The following BIN1 variants were observed in gnomAD, a reference collection of about 807,000 sequenced individuals.
BIN1 encodes bridging integrator 1.
Under a neutral mutation model 82.0 loss-of-function variants are expected in BIN1, and 53 were observed. That is an observed-to-expected ratio of 0.65 (90% confidence interval 0.52 to 0.81). The LOEUF is 0.81. Among genes scored for constraint, BIN1 ranks in the 40% least tolerant of loss-of-function variants. BIN1 has a pLI of 0.00. For synonymous variants in BIN1, 302 were observed against 328.0 expected (o/e 0.92, Z 0.86); for missense variants, 642 against 784.4 (o/e 0.82, Z 2.17).
chr2:127,075,036 A>C (rs10929005), intron 2 of BIN1, among the ~76,000 whole-genome samples: 2 of 151,526 alleles, frequency 1.3e-5, no homozygotes, highest in East Asian at 3.9e-4. Context: ...CACCACCTCC[A>C]CCCCTAACCT....
chr2:127,072,961 G>T (rs1184280011), intron 2 of BIN1, among the ~76,000 whole-genome samples: 2 of 152,180 alleles, frequency 1.3e-5, no homozygotes, highest in Non-Finnish European at 2.9e-5. Flanking sequence ...GAATCTTCCA[G>T]ATCCAGCTTC....
At chr2:127,071,461 G>A (rs1685887609) in intron 2 of BIN1, among the ~76,000 whole-genome samples, 1 of 152,186 alleles carries the variant, frequency 6.6e-6, no homozygotes, top group South Asian at 2.1e-4. Context: ...AAGGCTGAGG[G>A]GACAGTGGGC....
chr2:127,068,151 A>G lies in BIN1; in HGVS notation c.612+12T>C, dbSNP rs1164067180. The G allele has an allele frequency of 6.2e-7, 1 of 1,612,156 alleles. No homozygotes were observed. Among genetic ancestry groups the G allele is most frequent in the South Asian group, 1.1e-5 (1 of 90,692 alleles). Reference sequence around the variant, plus strand: ...AGGCGCCAGCACGTGCAAGGTTAGAAGCCAGTGTCACCTGATTTCGGAGCA... The same window carrying G: ...AGGCGCCAGCACGTGCAAGGTTAGAGGCCAGTGTCACCTGATTTCGGAGCA... On this transcript the variant is annotated intron_variant, in intron 7 of 18. Coordinates refer to ENST00000316724, the MANE Select transcript of BIN1 (RefSeq NM_139343.3). This position sits in a 1 kb window ranked among gnomAD's most constrained non-coding sequence, Gnocchi z 4.9.
At chr2:127,069,148 C>T in intron 5 of BIN1, 117 bp from the exon 6 acceptor site, 2 of 900,380 alleles carry the variant, frequency 2.2e-6, no homozygotes, top group Non-Finnish European at 3.5e-6. Context: ...CCACAGGAAC[C>T]CTTGAGCCCT....
chr2:127,050,631 T>C (rs1573529147), intron 17 of BIN1, 109 bp from the exon 18 acceptor site: 1 of 1,385,198 alleles, frequency 7.2e-7, no homozygotes, highest in South Asian at 1.2e-5. Flanking sequence ...AGACCAGGAG[T>C]GCTCAAAAGC....
At chr2:127,056,867 C>A (rs949393809) in intron 12 of BIN1, among the ~76,000 whole-genome samples, 4 of 152,244 alleles carry the variant, frequency 2.6e-5, no homozygotes, top group Non-Finnish European at 5.9e-5. Flanking sequence ...GGCACCTCCA[C>A]GGCTGAGCCA....
chr2:127,090,102 C>T lies in BIN1; in HGVS notation c.85-13396G>A, dbSNP rs916924542. The stretch of plus-strand genomic sequence containing the variant: ...TCCTTGGAACAGCATATACCAACCA[C>T]CCCCCTTCCTCTCTCCAATCAAGCT... On this transcript the variant is annotated intron_variant, in intron 1 of 18. Coordinates refer to ENST00000316724, the MANE Select transcript of BIN1 (RefSeq NM_139343.3). This position sits in a 1 kb window ranked among gnomAD's most constrained non-coding sequence, Gnocchi z 6.4. 2.1e-4 allele frequency among the ~76,000 whole-genome samples: 32 copies of T among 152,202 alleles called. No individual in the cohort carries two copies. The highest frequency in any genetic ancestry group is 4.0e-4 in the Non-Finnish European group (27 of 68,004).
chr2:127,088,457 C>T (rs754732017), intron 1 of BIN1, among the ~76,000 whole-genome samples: 7 of 152,028 alleles, frequency 4.6e-5, no homozygotes, highest in African/African-American at 7.2e-5. Flanking sequence ...AGCAGGGGGA[C>T]GGGTGCGGTG....
chr2:127,089,202 C>G (rs1385458082), intron 1 of BIN1, among the ~76,000 whole-genome samples: 2 of 152,182 alleles, frequency 1.3e-5, no homozygotes, highest in Non-Finnish European at 2.9e-5. Flanking sequence ...CTGGGTCCAT[C>G]GGTGAGGAGC....
At chr2:127,048,756 C>T (rs1259204669) in intron 18 of BIN1, 123 bp from the exon 19 acceptor site, 2 of 872,872 alleles carry the variant, frequency 2.3e-6, no homozygotes, top group Non-Finnish European at 3.7e-6. Context: ...CTCAGCCTGC[C>T]AAGCCCACCT....
rs1685670129 is a variant in BIN1, at chr2:127,070,016, C to T, written c.390G>A (p.Leu130=). ...DQALLTMDTY[L]GQFPDIKSRI... ...TCACCTTGATGTCGGGGAACTGGCC[C>T]AGGTACGTGTCCATGGTCAGCAGCG... Residue 130 remains leucine (L), a synonymous_variant, in exon 5 of 19, where the codon CTG becomes CTA. Transcript: ENST00000316724. 1 of 1,614,050 alleles carries T rather than the reference C, an allele frequency of 6.2e-7. No homozygotes were observed. The highest frequency in any genetic ancestry group is 1.3e-5 in the African/African-American group (1 of 74,958).
chr2:127,105,008 G>T (rs1157279719), intron 1 of BIN1, among the ~76,000 whole-genome samples: 2 of 152,256 alleles, frequency 1.3e-5, no homozygotes, highest in African/African-American at 4.8e-5. Context: ...AGACCAGCAT[G>T]CCTAGCTGAC....
In BIN1 at chr2:127,051,212, G is replaced by T. The variant is rs769199881; in HGVS notation, c.1403C>A (p.Thr468Asn). Residue 468 changes from threonine to asparagine, a missense_variant, in exon 16 of 19, where the codon ACC (threonine) becomes AAC (asparagine). Transcript: ENST00000316724. ...PAEASEVAGGTQPAAGAQEPG... is the reference protein window; with the variant it reads ...PAEASEVAGGNQPAAGAQEPG... ...CTCCTGGGCTCCAGCCGCAGGTTGG[G>T]TCCCACCCGCCACCTCCGAGGCCTC... The T allele has an allele frequency of 1.9e-6, 3 of 1,613,722 alleles. No homozygotes were observed. Among genetic ancestry groups the T allele is most frequent in the Non-Finnish European group, 2.5e-6 (3 of 1,179,956 alleles).
At chr2:127,091,937 T>C (rs1049893724) in intron 1 of BIN1, among the ~76,000 whole-genome samples, 1 of 151,562 alleles carries the variant, frequency 6.6e-6, no homozygotes, top group Non-Finnish European at 1.5e-5. Context: ...GTGGGGGGAA[T>C]GGAACGGAGA....
At chr2:127,103,099 G>C (rs543311635) in intron 1 of BIN1, among the ~76,000 whole-genome samples, 9 of 152,286 alleles carry the variant, frequency 5.9e-5, no homozygotes, top group African/African-American at 1.7e-4. Context: ...GGAGACCAGG[G>C]CCTCTGGGTG....
chr2:127,050,910 G>A lies in BIN1; in HGVS notation c.1464C>T (p.Ser488=), dbSNP rs759941022. Residue 488 remains serine (S), a splice_region_variant and synonymous_variant, in exon 17 of 19, where the codon AGC becomes AGT. Coordinates refer to ENST00000316724, the MANE Select transcript of BIN1 (RefSeq NM_139343.3). The part of the protein sequence containing the change: ...GETAASEAAS[S]SLPAVVVETF... ...TCTCCACCACGACAGCAGGAAGAGA[G>A]CTCTGGTGGCAGAGGTACGGGTCAG... 9.9e-6 allele frequency: 16 copies of A among 1,613,806 alleles called. No individual in the cohort carries two copies. The highest frequency in any genetic ancestry group is 1.3e-5 in the Non-Finnish European group (15 of 1,179,948).
chr2:127,098,606 C>T (rs1314944440), intron 1 of BIN1, among the ~76,000 whole-genome samples: 6 of 151,958 alleles, frequency 3.9e-5, no homozygotes, highest in African/African-American at 1.5e-4. Context: ...CACCTGCTGT[C>T]GCACTTGGGA....
intron 7 of BIN1, among the ~76,000 whole-genome samples, chr2:127,066,963 C>T (rs957260725): frequency 6.6e-6 from 1 of 151,450 alleles, no homozygotes; most frequent in Admixed American, 6.6e-5. Context: ...CCCAGCTACT[C>T]GGGAGGCTGA....
At chr2:127,050,328 C>A (rs1021402367) in intron 18 of BIN1, 93 bp downstream of exon 18, 16 of 1,390,908 alleles carry the variant, frequency 1.2e-5, no homozygotes, top group Admixed American at 1.0e-4. Flanking sequence ...GCCTCTGCTG[C>A]CCCCTGCTGG....
Sources: allele counts gnomAD v4.1 joint callset (sites outside exome capture counted in the v4.1 genomes callset), GRCh38; gene constraint gnomAD v4.1.1; non-coding constraint Gnocchi (gnomAD v3.1); transcripts MANE v1.5; gene names NCBI Gene and HGNC (gene_info 2026-07-23, HGNC 2026-07-21).